OR3A2: variants seen among roughly 807,000 people sequenced by gnomAD.
OR3A2 encodes the protein olfactory receptor family 3 subfamily A member 2, also known as olfactory receptor 3A2.
For missense variants in OR3A2, 318 were observed against 392.8 expected (o/e 0.81, Z 1.61); for synonymous variants, 126 against 159.3 (o/e 0.79, Z 1.57).
intron 3 of OR3A2, among the ~76,000 whole-genome samples, chr17:3,332,326 A>G (rs1320058150): frequency 2.0e-5 from 3 of 152,148 alleles, no homozygotes; most frequent in African/African-American, 7.2e-5. Flanking sequence ...GCCGCCTTGC[A>G]GTTTGATCTC....
intron 3 of OR3A2, among the ~76,000 whole-genome samples, chr17:3,323,976 C>T (rs1432050955): frequency 6.6e-6 from 1 of 152,074 alleles, no homozygotes; most frequent in Non-Finnish European, 1.5e-5. Context: ...TCCATTCTCC[C>T]CGTCATTTTC....
At chr17:3,296,599 G>A (rs2048920021) in intron 3 of OR3A2, among the ~76,000 whole-genome samples, 1 of 151,898 alleles carries the variant, frequency 6.6e-6, no homozygotes, top group Non-Finnish European at 1.5e-5. Flanking sequence ...AATTTATAAA[G>A]GAAAATAATC....
intron 3 of OR3A2, among the ~76,000 whole-genome samples, chr17:3,305,211 T>C (rs929128196): frequency 6.6e-6 from 1 of 152,220 alleles, no homozygotes; most frequent in Admixed American, 6.5e-5. Context: ...GGACATGTAC[T>C]GATGTCTGCG....
At chr17:3,342,727 C>T (rs934871510) in intron 2 of OR3A2, among the ~76,000 whole-genome samples, 3 of 152,220 alleles carry the variant, frequency 2.0e-5, no homozygotes, top group Non-Finnish European at 2.9e-5. Context: ...AGTTAGGCTA[C>T]CTGGGGGTCA....
At chr17:3,278,531 G>C in exon 2 of OR3A2, 6 of 1,613,710 alleles carry the variant, frequency 3.7e-6, no homozygotes, top group Non-Finnish European at 5.1e-6. Flanking sequence ...GGGGCTGGCA[G>C]ATGGCCAGGA....
At chr17:3,309,755 G>A (rs973191776) in intron 3 of OR3A2, among the ~76,000 whole-genome samples, 3 of 152,054 alleles carry the variant, frequency 2.0e-5, no homozygotes, top group Admixed American at 1.3e-4. Flanking sequence ...TTTCTGAAAT[G>A]TCCGGACCAA....
intron 3 of OR3A2, among the ~76,000 whole-genome samples, chr17:3,321,921 T>C (rs898135933): frequency 3.9e-5 from 6 of 152,164 alleles, no homozygotes; most frequent in Non-Finnish European, 7.3e-5. Flanking sequence ...GATTCCCTCT[T>C]TTTCTTTTGA....
At chr17:3,297,495 C>T (rs1422591467) in intron 3 of OR3A2, among the ~76,000 whole-genome samples, 1 of 151,856 alleles carries the variant, frequency 6.6e-6, no homozygotes, top group Non-Finnish European at 1.5e-5. Flanking sequence ...TTAAAATGTG[C>T]TTCCTCTGTA....
chr17:3,279,021 A>T, intron 1 of OR3A2, 55 bp downstream of exon 4: 2 of 1,541,480 alleles, frequency 1.3e-6, no homozygotes, highest in Non-Finnish European at 1.7e-6. Flanking sequence ...CCCCGTGGCG[A>T]GTCCCCAGGC....
chr17:3,277,786 C>G (rs1483063624), exon 2 of OR3A2: 5 of 649,948 alleles, frequency 7.7e-6, no homozygotes, highest in Non-Finnish European at 1.0e-5. Flanking sequence ...TAGAGGTACT[C>G]TAATAAGTAT....
intron 3 of OR3A2, among the ~76,000 whole-genome samples, chr17:3,317,909 G>A (rs2049090826): frequency 6.6e-6 from 1 of 152,008 alleles, no homozygotes; most frequent in Non-Finnish European, 1.5e-5. Context: ...GAAGAATTCA[G>A]GCCTGTAGAA....
intron 2 of OR3A2, among the ~76,000 whole-genome samples, chr17:3,373,483 T>C (rs1182644808): frequency 1.3e-5 from 2 of 152,252 alleles, no homozygotes; most frequent in Non-Finnish European, 2.9e-5. Flanking sequence ...CAGTGTTCGG[T>C]ACATATATAG....
chr17:3,373,500 T>C (rs1251887722), intron 2 of OR3A2, among the ~76,000 whole-genome samples: 1 of 152,224 alleles, frequency 6.6e-6, no homozygotes, highest in Admixed American at 6.5e-5. Context: ...ATAGTTAGAA[T>C]TGTGATATTT....
At chr17:3,314,681 A>G (rs144990685) in intron 3 of OR3A2, among the ~76,000 whole-genome samples, 3 of 152,230 alleles carry the variant, frequency 2.0e-5, no homozygotes, top group Admixed American at 6.5e-5. Flanking sequence ...TAAAAAATTA[A>G]ATACATATAT....
chr17:3,372,847 A>AGGAGAGGGAGAGGGAGAGGGAGAG (rs762420106), intron 2 of OR3A2, among the ~76,000 whole-genome samples: 35 of 65,098 alleles, frequency 5.4e-4, no homozygotes, highest in Admixed American at 1.7e-3. Flanking sequence ...GAGAAGGAGA[A>AGGAGAGGGAGAGGGAGAGGGAGAG]GGAGAGGGAG....
At chr17:3,304,636 A>T (rs1408330867) in intron 3 of OR3A2, among the ~76,000 whole-genome samples, 1 of 152,244 alleles carries the variant, frequency 6.6e-6, no homozygotes, top group Admixed American at 6.5e-5. Flanking sequence ...TTTCTAAGGA[A>T]ATACAATTTC....
At chr17:3,352,564 G>C (rs1424551789) in intron 2 of OR3A2, among the ~76,000 whole-genome samples, 1 of 150,934 alleles carries the variant, frequency 6.6e-6, no homozygotes, top group Non-Finnish European at 1.5e-5. Flanking sequence ...TTCACTGTAG[G>C]AGTGTTTGTT....
chr17:3,369,447 G>C (rs549267261), intron 2 of OR3A2, among the ~76,000 whole-genome samples: 11 of 152,262 alleles, frequency 7.2e-5, no homozygotes, highest in Non-Finnish European at 1.2e-4. Context: ...AATCATAAAA[G>C]GATGCTGGAT....
intron 1 of OR3A2, among the ~76,000 whole-genome samples, chr17:3,281,570 C>G (rs375040624): frequency 3.3e-5 from 5 of 152,120 alleles, no homozygotes; most frequent in African/African-American, 1.2e-4. Flanking sequence ...CTGATCACTG[C>G]TGTCTTAGCA....
Sources: gnomAD v4.1 joint callset for allele counts (sites outside exome capture counted in the v4.1 genomes callset) on GRCh38, gnomAD v4.1.1 for gene constraint, MANE v1.5 for transcripts, NCBI Gene and HGNC (gene_info 2026-07-23, HGNC 2026-07-21) for gene names.